PTPRR: variants seen among roughly 807,000 people sequenced by gnomAD.
The protein encoded by PTPRR is receptor-type tyrosine-protein phosphatase R.
In PTPRR, 38 loss-of-function variants were observed where a neutral mutation model predicts 77.2. That is an observed-to-expected ratio of 0.49 (90% CI 0.38 to 0.65). The LOEUF (loss-of-function observed/expected upper bound fraction) is 0.65, where lower values mean the gene tolerates loss of function less well. PTPRR is among the 30% of genes least tolerant of loss of function. The pLI, the probability that PTPRR is intolerant of heterozygous loss-of-function variation, is 0.00. For missense variants in PTPRR, 744 were observed against 799.2 expected (o/e 0.93, Z 0.83); for synonymous variants, 299 against 283.1 (o/e 1.06, Z -0.57).
chr12:70,866,833 C>T (rs1401537161), intron 2 of PTPRR, among the ~76,000 whole-genome samples: 2 of 152,000 alleles, frequency 1.3e-5, no homozygotes, highest in Admixed American at 1.3e-4. Flanking sequence ...GCTTATCCAC[C>T]ATGATCAAGT....
chr12:70,840,893 A>G lies in PTPRR; in HGVS notation c.357+51786T>C, dbSNP rs551797553. On this transcript the variant is annotated intron_variant, in intron 2 of 13. Transcript: ENST00000283228. ...AGGGGCCAGGTTCACTAGAGATACT[A>G]TGAAGTCACCGTGCCATTCACAACC... 2.3e-3 allele frequency among the ~76,000 whole-genome samples: 356 copies of G among 151,834 alleles called. 1 individual carries two copies. Among genetic ancestry groups the G allele is most frequent in the Middle Eastern group, 6.9e-3 (2 of 288 alleles).
chr12:70,862,751 T>TA (rs11306466), intron 2 of PTPRR, among the ~76,000 whole-genome samples: 1 of 150,180 alleles, frequency 6.7e-6, no homozygotes, highest in Non-Finnish European at 1.5e-5. Flanking sequence ...AATAATAAAA[T>TA]AAAAAAAAGG....
intron 2 of PTPRR, among the ~76,000 whole-genome samples, chr12:70,868,514 A>G (rs1223694478): frequency 3.5e-4 from 54 of 152,122 alleles, no homozygotes; most frequent in South Asian, 1.0e-3. Flanking sequence ...TTAGAATGGC[A>G]ATCATTAAAA....
At chr12:70,754,571 C>T (rs768551249) in intron 4 of PTPRR, 23 of 1,597,452 alleles carry the variant, frequency 1.4e-5, no homozygotes, top group Middle Eastern at 1.7e-4. Context: ...CTCAGCGTCT[C>T]TCTTGGAAAC....
rs1890202465 is a variant in PTPRR, at chr12:70,745,975, T to G, written c.850A>C (p.Lys284Gln). 6.2e-7 allele frequency: 1 copy of G among 1,614,136 alleles called. No individual in the cohort carries two copies. Reference protein sequence around the residue: ...ITLQPALSEAKTVHSMVQPEQ... With the variant: ...ITLQPALSEAQTVHSMVQPEQ... ...GGTTGGACCATGCTGTGGACTGTCT[T>G]TGCCTCGGACAGTGCTGGCTGTAAT... The change falls in exon 6 of 14, where the codon AAG becomes CAG. Residue 284 changes from lysine to glutamine, a missense_variant. Lys to Gln is a moderately conservative substitution (Grantham distance 53). Coordinates refer to ENST00000283228, the MANE Select transcript of PTPRR (RefSeq NM_002849.4).
intron 2 of PTPRR, among the ~76,000 whole-genome samples, chr12:70,856,221 T>C (rs1892648933): frequency 6.6e-6 from 1 of 152,166 alleles, no homozygotes; most frequent in South Asian, 2.1e-4. Context: ...ATATAACCCC[T>C]GCATCTAATT....
chr12:70,782,344 T>C (rs2136999168), intron 2 of PTPRR, among the ~76,000 whole-genome samples: 1 of 152,232 alleles, frequency 6.6e-6, no homozygotes, highest in Non-Finnish European at 1.5e-5. Flanking sequence ...ACTGGGTATA[T>C]ACCCAAAGGA....
chr12:70,896,054 T>A (rs1893422450), intron 1 of PTPRR, among the ~76,000 whole-genome samples: 1 of 150,892 alleles, frequency 6.6e-6, no homozygotes, highest in Non-Finnish European at 1.5e-5. Flanking sequence ...AAGCAACATA[T>A]CATGAAAACC....
At chr12:70,790,457 C>T (rs1321313258) in intron 2 of PTPRR, among the ~76,000 whole-genome samples, 2 of 152,092 alleles carry the variant, frequency 1.3e-5, no homozygotes, top group African/African-American at 4.8e-5. Context: ...TTTTCAAGTT[C>T]CCTTTGCTTA....
intron 2 of PTPRR, among the ~76,000 whole-genome samples, chr12:70,872,272 C>G (rs1892970952): frequency 6.6e-6 from 1 of 152,002 alleles, no homozygotes; most frequent in Non-Finnish European, 1.5e-5. Flanking sequence ...GCTTTAGGAA[C>G]CAGGGTTATT....
intron 6 of PTPRR, among the ~76,000 whole-genome samples, chr12:70,733,238 T>C (rs1454446409): frequency 6.6e-6 from 1 of 151,634 alleles, no homozygotes; most frequent in Non-Finnish European, 1.5e-5. Flanking sequence ...GAAATGAAAA[T>C]GATTGGATGC....
chr12:70,802,763 T>C (rs891933489), intron 2 of PTPRR, among the ~76,000 whole-genome samples: 8 of 152,226 alleles, frequency 5.3e-5, no homozygotes, highest in Admixed American at 5.2e-4. Context: ...ATAATTGGTG[T>C]CTATATCTTG....
intron 2 of PTPRR, among the ~76,000 whole-genome samples, chr12:70,874,502 C>A (rs566318537): frequency 6.6e-6 from 1 of 152,222 alleles, no homozygotes; most frequent in East Asian, 1.9e-4. Flanking sequence ...TAAATTTATG[C>A]CTTTCAGTCA....
intron 2 of PTPRR, among the ~76,000 whole-genome samples, chr12:70,811,611 G>T (rs1891810291): frequency 6.6e-6 from 1 of 152,188 alleles, no homozygotes; most frequent in Admixed American, 6.5e-5. Flanking sequence ...TATATTCGCA[G>T]GTATCTGAAG....
chr12:70,830,210 G>A (rs1002208547), intron 2 of PTPRR, among the ~76,000 whole-genome samples: 2 of 152,134 alleles, frequency 1.3e-5, no homozygotes, highest in Non-Finnish European at 2.9e-5. Context: ...AGATTTACCT[G>A]TTTCTGATGT....
At chr12:70,665,395 T>TTTTTG in intron 10 of PTPRR, among the ~76,000 whole-genome samples, 1 of 116,924 alleles carries the variant, frequency 8.6e-6, no homozygotes. Flanking sequence ...TTTTTTTTTT[T>TTTTTG]TTTTGTGATG....
intron 1 of PTPRR, among the ~76,000 whole-genome samples, chr12:70,899,479 T>C (rs1362770237): frequency 6.6e-6 from 1 of 151,422 alleles, no homozygotes; most frequent in African/African-American, 2.4e-5. Flanking sequence ...ATAATAGTCA[T>C]ACTAATTGGT....
intron 6 of PTPRR, among the ~76,000 whole-genome samples, chr12:70,724,481 C>T (rs7313009): frequency 0.096 from 14,570 of 152,194 alleles, 2,387 homozygotes; most frequent in African/African-American, 0.33. Flanking sequence ...GTAATAAATG[C>T]AACAGTGTAA....
intron 2 of PTPRR, among the ~76,000 whole-genome samples, chr12:70,812,419 A>G (rs1035877194): frequency 1.3e-5 from 2 of 152,216 alleles, no homozygotes; most frequent in Non-Finnish European, 2.9e-5. Context: ...TCCCAGGTGG[A>G]CTACTCGTGA....
Sources: allele counts gnomAD v4.1 joint callset (sites outside exome capture counted in the v4.1 genomes callset), GRCh38; gene constraint gnomAD v4.1.1; transcripts MANE v1.5; gene names NCBI Gene and HGNC (gene_info 2026-07-23, HGNC 2026-07-21).